Variants in PTBP3 observed in about 807,000 individuals in gnomAD.
PTBP3 encodes the protein polypyrimidine tract-binding protein 3.
A neutral mutation model predicts 58.7 loss-of-function variants in PTBP3; 20 were observed. The observed-to-expected ratio is 0.34, with a 90% confidence interval of 0.24 to 0.50. The LOEUF is 0.50. Ranked by LOEUF, PTBP3 falls within the 20% of genes least tolerant of loss-of-function variation. The pLI is 0.98. For synonymous variants in PTBP3, 185 were observed against 219.8 expected (o/e 0.84, Z 1.40); for missense variants, 509 against 637.2 (o/e 0.80, Z 2.17).
chr9:112,336,411 TA>T (rs1830576677), upstream of PTBP3, among the ~76,000 whole-genome samples: 1 of 152,036 alleles, frequency 6.6e-6, no homozygotes, highest in African/African-American at 2.4e-5. Context: ...TTATAGCCTT[TA>T]TAATTCAAAT....
At chr9:112,271,999 T>C (rs1406783365) in intron 3 of PTBP3, among the ~76,000 whole-genome samples, 2 of 152,196 alleles carry the variant, frequency 1.3e-5, no homozygotes, top group Admixed American at 1.3e-4. Context: ...GTATACATAG[T>C]TTCCTCTTAA....
chr9:112,320,717 C>A (rs1193189854), intron 1 of PTBP3, among the ~76,000 whole-genome samples: 2 of 152,106 alleles, frequency 1.3e-5, no homozygotes, highest in African/African-American at 2.4e-5. Context: ...GATAAGAATA[C>A]AGTATACAGA....
chr9:112,370,936 T>C, the PTBP3 span, among the ~76,000 whole-genome samples: 2 of 152,174 alleles, frequency 1.3e-5, no homozygotes, highest in Non-Finnish European at 2.9e-5. Context: ...ATTACTAGTG[T>C]ATATAAATAA....
the PTBP3 span, among the ~76,000 whole-genome samples, chr9:112,361,600 T>G: frequency 6.6e-6 from 1 of 152,220 alleles, no homozygotes; most frequent in Admixed American, 6.5e-5. Flanking sequence ...TTGTTATTTT[T>G]GCCTTAACCC....
intron 12 of PTBP3, among the ~76,000 whole-genome samples, chr9:112,225,858 G>A (rs1267161591): frequency 6.6e-6 from 1 of 151,926 alleles, no homozygotes; most frequent in Non-Finnish European, 1.5e-5. Flanking sequence ...ATCTGCCTGG[G>A]CAAATGGTAA....
At chr9:112,286,715 T>C (rs10981341) in intron 2 of PTBP3, among the ~76,000 whole-genome samples, 127,921 of 152,196 alleles carry the variant, frequency 0.84, 54,053 homozygotes, top group African/African-American at 0.92. Flanking sequence ...AGTCACATAT[T>C]CACATATTTA....
chr9:112,368,481 A>AT, the PTBP3 span, among the ~76,000 whole-genome samples: 17 of 151,714 alleles, frequency 1.1e-4, no homozygotes, highest in South Asian at 3.5e-3. Flanking sequence ...CAGGTACCTT[A>AT]TCTTCAGGGA....
At position 112,223,436 on chromosome 9, in the gene PTBP3, ATTAC is replaced by A. The variant is rs1293525950; in HGVS notation, c.*411_*414del. 2 of 916,816 alleles carry A rather than the reference ATTAC, an allele frequency of 2.2e-6. No homozygotes were observed. Among genetic ancestry groups the A allele is most frequent in the African/African-American group, 1.8e-5 (1 of 55,466 alleles). 56.8% of individuals were successfully genotyped at this position (916,816 alleles called of 1,614,324 possible). ...AATAACTTGGTCATAAGTGATTTAAATTACTTACATCAAGTAATTTTAGAAGTCT... is the reference window on the plus strand; with the variant it reads ...AATAACTTGGTCATAAGTGATTTAAATTACATCAAGTAATTTTAGAAGTCT... On this transcript the variant is annotated 3_prime_UTR_variant, in exon 14 of 14. Transcript: ENST00000374257.
At chr9:112,315,478 A>G in intron 1 of PTBP3, among the ~76,000 whole-genome samples, 1 of 152,124 alleles carries the variant, frequency 6.6e-6, no homozygotes, top group Non-Finnish European at 1.5e-5. Context: ...CTAAAGAAAT[A>G]GAAAATTTGT....
At chr9:112,319,799 A>G (rs1829847344) in intron 1 of PTBP3, among the ~76,000 whole-genome samples, 1 of 152,208 alleles carries the variant, frequency 6.6e-6, no homozygotes, top group Non-Finnish European at 1.5e-5. Flanking sequence ...GGATGAATGG[A>G]TAAACAAAAT....
At chr9:112,256,422 T>G (rs1184537555) in intron 5 of PTBP3, among the ~76,000 whole-genome samples, 2 of 151,640 alleles carry the variant, frequency 1.3e-5, no homozygotes, top group East Asian at 3.8e-4. Flanking sequence ...TAATCATTTC[T>G]GCATCATTAA....
intron 1 of PTBP3, among the ~76,000 whole-genome samples, chr9:112,324,117 T>TA (rs1331496996): frequency 6.6e-6 from 1 of 151,804 alleles, no homozygotes; most frequent in Non-Finnish European, 1.5e-5. Flanking sequence ...GTGAAATATT[T>TA]AAAGAGTTTT....
At chr9:112,240,110 T>A (rs370927849) in intron 7 of PTBP3, among the ~76,000 whole-genome samples, 1 of 151,994 alleles carries the variant, frequency 6.6e-6, no homozygotes, top group African/African-American at 2.4e-5. Context: ...CAAAAAAAGA[T>A]TTGTCAAAAA....
At chr9:112,332,655 C>T in intron 1 of PTBP3, 1 of 1,138,390 alleles carries the variant, frequency 8.8e-7, no homozygotes, top group Non-Finnish European at 1.2e-6. Context: ...CACCCCATAT[C>T]CCTGAGTCCC....
At chr9:112,288,409 C>G (rs970588649) in intron 2 of PTBP3, among the ~76,000 whole-genome samples, 3 of 152,186 alleles carry the variant, frequency 2.0e-5, no homozygotes, top group African/African-American at 7.2e-5. Context: ...TCTACACAGG[C>G]CCTTCTCTTT....
chr9:112,337,960 A>G (rs552099606), upstream of PTBP3, among the ~76,000 whole-genome samples: 1 of 152,372 alleles, frequency 6.6e-6, no homozygotes, highest in Non-Finnish European at 1.5e-5. Flanking sequence ...ACATTTTAAT[A>G]TCATTCTATC....
chr9:112,256,478 T>A (rs1836370276), intron 5 of PTBP3, among the ~76,000 whole-genome samples: 1 of 151,954 alleles, frequency 6.6e-6, no homozygotes, highest in Non-Finnish European at 1.5e-5. Context: ...ATGCTTATTA[T>A]TAATTGATAA....
chr9:112,221,816 A>G lies in PTBP3; in HGVS notation c.*2035T>C. On this transcript the variant is annotated 3_prime_UTR_variant, in exon 14 of 14. Transcript: ENST00000374257. Reference sequence around the variant, plus strand: ...TTAAACAATCTGTATCATCTCTTGCAGTCTCTATTTTTTGGTAAAATTTCT... The same window carrying G: ...TTAAACAATCTGTATCATCTCTTGCGGTCTCTATTTTTTGGTAAAATTTCT... The G allele has an allele frequency of 1.0e-6, 1 of 985,090 alleles. No homozygotes were observed. The highest frequency in any genetic ancestry group is 1.2e-6 in the Non-Finnish European group (1 of 829,604). The allele number at this position is 985,090 out of a possible 1,614,324, so 61.0% of individuals were successfully genotyped here.
At chr9:112,338,002 A>G (rs769103319), upstream of PTBP3, among the ~76,000 whole-genome samples, 6 of 152,250 alleles carry the variant, frequency 3.9e-5, no homozygotes, top group Non-Finnish European at 7.3e-5. Context: ...CATAATTAAC[A>G]TTGCATTTCC....
Sources: gnomAD v4.1 joint callset for allele counts (sites outside exome capture counted in the v4.1 genomes callset) on GRCh38, gnomAD v4.1.1 for gene constraint, MANE v1.5 for transcripts, NCBI Gene and HGNC (gene_info 2026-07-23, HGNC 2026-07-21) for gene names.